Variants in CRY2 observed in about 807,000 individuals in gnomAD.
CRY2 encodes cryptochrome circadian regulator 2.
CRY2 carries 31 observed loss-of-function variants against 69.5 expected under a neutral mutation model. The observed-to-expected ratio is 0.45, with a 90% CI of 0.34 to 0.60. The LOEUF (loss-of-function observed/expected upper bound fraction) is 0.60. CRY2 is among the 20% of genes least tolerant of loss of function. The pLI is 0.02. For missense variants in CRY2, 606 were observed against 797.8 expected, an observed-to-expected ratio of 0.76 and a Z score of 2.90; for synonymous variants, 303 against 312.2, an observed-to-expected ratio of 0.97 and a Z score of 0.31.
chr11:45,861,104 A>T, intron 4 of CRY2, 72 bp downstream of exon 4: 2 of 1,475,502 alleles, frequency 1.4e-6, no homozygotes, highest in Non-Finnish European at 1.8e-6. Flanking sequence ...TGTGAAAGTA[A>T]TGCATGTCAT....
chr11:45,877,562 A>G (rs1360625498), intron 11 of CRY2, among the ~76,000 whole-genome samples: 1 of 152,258 alleles, frequency 6.6e-6, no homozygotes, highest in Admixed American at 6.5e-5. Context: ...AGAGGGAGAC[A>G]GTCGTTAACG....
At chr11:45,869,027 A>G (rs2086353492) in intron 6 of CRY2, among the ~76,000 whole-genome samples, 1 of 152,224 alleles carries the variant, frequency 6.6e-6, no homozygotes, top group African/African-American at 2.4e-5. Context: ...TTGTGACTTT[A>G]GGGAAGTCAT....
At chr11:45,861,785 C>T in intron 4 of CRY2, 1 of 417,340 alleles carries the variant, frequency 2.4e-6, no homozygotes, top group South Asian at 2.6e-5. Flanking sequence ...CTGAAAACCA[C>T]AGTTGTTGCC....
At chr11:45,865,270 T>TG (rs1001365553) in intron 5 of CRY2, among the ~76,000 whole-genome samples, 2 of 152,072 alleles carry the variant, frequency 1.3e-5, no homozygotes, top group African/African-American at 4.8e-5. Flanking sequence ...TTGCATATAC[T>TG]GGGGGGCAGG....
chr11:45,860,842 C>T lies in CRY2; in HGVS notation c.468-6C>T, dbSNP rs745918489. The T allele has an allele frequency of 5.6e-6, 9 of 1,613,876 alleles. No homozygotes were observed. Among genetic ancestry groups the T allele is most frequent in the Middle Eastern group, 1.7e-4 (1 of 6,058 alleles). The stretch of plus-strand genomic sequence containing the variant: ...GGTAACACTAGCTATGCTTTGGGCT[C>T]CCCAGGATCATTGAGCTGAATGGGC... On this transcript the variant is annotated splice_polypyrimidine_tract_variant and splice_region_variant and intron_variant, in intron 3 of 11. Coordinates refer to ENST00000616080, the MANE Select transcript of CRY2 (RefSeq NM_021117.5).
intron 1 of CRY2, among the ~76,000 whole-genome samples, chr11:45,855,184 G>A (rs542172422): frequency 4.6e-5 from 6 of 129,962 alleles, no homozygotes; most frequent in Admixed American, 1.8e-4. Context: ...AAAATGTGAA[G>A]ATAGCTATTG....
At chr11:45,874,940 C>G (rs562408073) in intron 11 of CRY2, among the ~76,000 whole-genome samples, 1 of 151,992 alleles carries the variant, frequency 6.6e-6, no homozygotes, top group South Asian at 2.1e-4. Flanking sequence ...TAGACTCAGT[C>G]TCACAAAAAA....
chr11:45,871,184 A>G (rs765839267), intron 10 of CRY2, among the ~76,000 whole-genome samples: 31 of 152,258 alleles, frequency 2.0e-4, no homozygotes, highest in Non-Finnish European at 4.3e-4. Flanking sequence ...TGGAGCAGTC[A>G]GGGAACACCT....
chr11:45,875,010 A>G lies in CRY2; in HGVS notation c.*2+2777A>G, dbSNP rs547734340. On this transcript the variant is annotated intron_variant, in intron 11 of 11. Transcript: ENST00000616080. ...TAAAATAAAGTTGAGTAAGAAAGTA[A>G]GGTCGGGGCACAGAAGAGGCTGCAG... Among the ~76,000 whole-genome samples, 10 of 152,322 alleles carry G rather than the reference A, an allele frequency of 6.6e-5. No homozygotes were observed. In the South Asian group the frequency reaches 2.1e-3, roughly 32 times the overall value.
chr11:45,849,208 G>A lies in CRY2; in HGVS notation c.215+1503G>A, dbSNP rs150547280. On this transcript the variant is annotated intron_variant, in intron 1 of 11. Coordinates refer to ENST00000616080, the MANE Select transcript of CRY2 (RefSeq NM_021117.5). The stretch of plus-strand genomic sequence containing the variant: ...TAAAATTCCTGTTGATTAAACTCCA[G>A]TTTGCTAGGAACCAGGTGTTTATGG... 6.6e-5 allele frequency among the ~76,000 whole-genome samples: 10 copies of A among 152,274 alleles called. No homozygotes were observed. The South Asian group carries it at 1.2e-3, about 19-fold the overall frequency.
Position 45,882,287 on chromosome 11 carries a change from TG to T in CRY2, c.*1378del. On this transcript the variant is annotated 3_prime_UTR_variant, in exon 12 of 12. Coordinates refer to ENST00000616080, the MANE Select transcript of CRY2 (RefSeq NM_021117.5). ...AAGTGTGTGTGTGTGTGTGCGTGTGTGGTACGTGTGTGTGTGTGTGGCTATG... is the reference window on the plus strand; with the variant it reads ...AAGTGTGTGTGTGTGTGTGCGTGTGTGTACGTGTGTGTGTGTGTGGCTATG... 1 of 225,720 alleles carries T rather than the reference TG, an allele frequency of 4.4e-6. No individual in the cohort carries two copies. Among genetic ancestry groups the T allele is most frequent in the East Asian group, 8.9e-5 (1 of 11,224 alleles). The allele number at this position is 225,720 out of a possible 1,614,324, so 14.0% of individuals were successfully genotyped here. A position where few individuals can be genotyped will look rare whatever the true frequency, so the allele number is the denominator to read the frequency against.
Position 45,858,764 on chromosome 11 carries a change from G to C in CRY2, c.358G>C (p.Asp120His). ...AGTGACCCGCTTGACCTTTGAATAT[G>C]ACTCTGAACCCTTTGGGAAAGAACG... ...WGVTRLTFEY[D>H]SEPFGKERDA... The change falls in exon 3 of 12, where the codon GAC (aspartate) becomes CAC (histidine). Residue 120 changes from aspartate (D) to histidine (H), a missense_variant. Around this residue, in one of 5 missense-constraint regions of CRY2, gnomAD observed 382 missense variants for 508.9 expected, o/e 0.75. Coordinates refer to ENST00000616080, the MANE Select transcript of CRY2 (RefSeq NM_021117.5). The C allele has an allele frequency of 6.2e-7, 1 of 1,614,162 alleles. No individual in the cohort carries two copies. Among genetic ancestry groups the C allele is most frequent in the Non-Finnish European group, 8.5e-7 (1 of 1,180,030 alleles).
chr11:45,858,794 G>A lies in CRY2; in HGVS notation c.388G>A (p.Ala130Thr). ...TGAACCCTTTGGGAAAGAACGGGAT[G>A]CAGCCATCATGAAGATGGCCAAGGA... ...DSEPFGKERD[A>T]AIMKMAKEAG... Residue 130 changes from alanine (A) to threonine (T), a missense_variant, in exon 3 of 12, where the codon GCA becomes ACA. Ala to Thr is a moderately conservative substitution (Grantham distance 58, BLOSUM62 0). Around this residue, in one of 5 missense-constraint regions of CRY2, gnomAD observed 382 missense variants for 508.9 expected, o/e 0.75. Transcript: ENST00000616080. 1 of 1,614,196 alleles carries A rather than the reference G, an allele frequency of 6.2e-7. No homozygotes were observed. Among genetic ancestry groups the A allele is most frequent in the Non-Finnish European group, 8.5e-7 (1 of 1,180,028 alleles).
chr11:45,847,704 A>T lies in CRY2; in HGVS notation c.214A>T (p.Arg72Trp). Residue 72 changes from arginine to tryptophan, a missense_variant and splice_region_variant, in exon 1 of 12, where the codon AGG (arginine) becomes TGG (tryptophan). By Grantham distance (101) the Arg-to-Trp change is moderately radical. This residue lies in a region of CRY2 where 382 missense variants were observed against 508.9 expected (regional missense o/e 0.75). Transcript: ENST00000616080. The stretch of plus-strand genomic sequence containing the variant: ...CTCCTCAGTCGGGATCAACCGATGG[A>T]GGTGAGGGGACCCGGGGCTGGGTGG... ...ASSSVGINRW[R>W]FLLQSLEDLD... is the part of the protein sequence containing the mutation. 1.3e-6 allele frequency: 2 copies of T among 1,561,896 alleles called. No individual in the cohort carries two copies. The highest frequency in any genetic ancestry group is 1.7e-6 in the Non-Finnish European group (2 of 1,153,122).
chr11:45,872,430 G>A (rs1234763354), intron 11 of CRY2, among the ~76,000 whole-genome samples, 197 bp downstream of exon 11: 1 of 152,036 alleles, frequency 6.6e-6, no homozygotes, highest in African/African-American at 2.4e-5. Context: ...AGTACTTTCT[G>A]GTTGATATCT....
chr11:45,862,296 A>G, intron 5 of CRY2, 148 bp downstream of exon 5: 1 of 658,644 alleles, frequency 1.5e-6, no homozygotes, highest in Non-Finnish European at 2.5e-6. Context: ...CCATAACAAC[A>G]GCAACACTAA....
rs2134637592 is a variant in CRY2 at position 45,862,278 on chromosome 11, C to T, written c.741+130C>T. On this transcript the variant is annotated intron_variant, in intron 5 of 11. Coordinates refer to ENST00000616080, the MANE Select transcript of CRY2 (RefSeq NM_021117.5). ...GGAAAATGAAAAATCCTCCTATCCT[C>T]CTGATGGCCATAACAACAGCAACAC... 3.9e-6 allele frequency: 3 copies of T among 762,078 alleles called. No homozygotes were observed. The South Asian group carries it at 6.0e-5, about 15-fold the overall frequency. The allele number at this position is 762,078 out of a possible 1,614,324, so 47.2% of individuals were successfully genotyped here.
At chr11:45,871,837 T>C (rs1401539074) in intron 10 of CRY2, among the ~76,000 whole-genome samples, 1 of 152,220 alleles carries the variant, frequency 6.6e-6, no homozygotes, top group African/African-American at 2.4e-5. Flanking sequence ...AATCAGTCTC[T>C]GGCCACAGCC....
At chr11:45,847,256 G>A (rs1426377010), upstream of CRY2, 2 of 1,551,690 alleles carry the variant, frequency 1.3e-6, no homozygotes, top group African/African-American at 2.7e-5. Flanking sequence ...CCGCATGCCA[G>A]CTCCACCCGG....
Sources: gnomAD v4.1 joint callset for allele counts (sites outside exome capture counted in the v4.1 genomes callset) on GRCh38, gnomAD v4.1.1 for gene constraint, gnomAD v4.1.1 regional missense constraint, MANE v1.5 for transcripts, NCBI Gene and HGNC (gene_info 2026-07-23, HGNC 2026-07-21) for gene names.